Variants in SAMD4A observed in about 807,000 individuals in gnomAD.
SAMD4A encodes sterile alpha motif domain containing 4A.
Under a neutral mutation model 81.3 loss-of-function variants are expected in SAMD4A, and 33 were observed. The ratio of observed to expected loss-of-function variants is 0.41; its 90% CI spans 0.31 to 0.54. The LOEUF (loss-of-function observed/expected upper bound fraction) is 0.54, where lower values mean the gene tolerates loss of function less well. SAMD4A is among the 20% of genes least tolerant of loss of function. The pLI is 0.37. For missense variants in SAMD4A, 854 were observed against 951.1 expected (o/e 0.90, Z 1.34); for synonymous variants, 389 against 382.1 (o/e 1.02, Z -0.21).
intron 2 of SAMD4A, among the ~76,000 whole-genome samples, chr14:54,569,848 C>T (rs778871448): frequency 2.0e-5 from 3 of 152,096 alleles, no homozygotes; most frequent in Non-Finnish European, 4.4e-5. Context: ...GCACTTTTTC[C>T]CTTTGAGTAA....
At chr14:54,763,945 A>G (rs999505873) in intron 7 of SAMD4A, among the ~76,000 whole-genome samples, 1 of 152,070 alleles carries the variant, frequency 6.6e-6, no homozygotes, top group Admixed American at 6.5e-5. Context: ...AGGAGTGAGT[A>G]GCAGGCCTCC....
At chr14:54,597,459 G>A (rs191896951) in intron 2 of SAMD4A, among the ~76,000 whole-genome samples, 24 of 151,408 alleles carry the variant, frequency 1.6e-4, no homozygotes, top group Non-Finnish European at 3.2e-4. Flanking sequence ...TTTTTTGGTA[G>A]AGACAGGGTT....
At chr14:54,746,712 C>T (rs17737186) in intron 4 of SAMD4A, among the ~76,000 whole-genome samples, 10,108 of 152,208 alleles carry the variant, frequency 0.066, 498 homozygotes, top group Non-Finnish European at 0.095. Flanking sequence ...TGTAGGGCAC[C>T]CAGTGAAAAT....
chr14:54,746,260 G>C (rs1296112167), intron 4 of SAMD4A, among the ~76,000 whole-genome samples: 2 of 152,172 alleles, frequency 1.3e-5, no homozygotes, highest in Non-Finnish European at 2.9e-5. Context: ...TTACAGGAGG[G>C]AGTGCTCTTT....
Position 54,702,366 on chromosome 14 carries a change from C to G in SAMD4A, c.501C>G (p.Asp167Glu), listed in dbSNP as rs1421726179. The G allele has an allele frequency of 6.2e-7, 1 of 1,614,172 alleles. No homozygotes were observed. ...SFGGQNRGRS[D>E]SVDYGQTHYY... ...GTGGCCAGAACCGAGGCCGCTCAGACTCTGTGGATTATGGACAGACACACT... is the reference window on the plus strand; with the variant it reads ...GTGGCCAGAACCGAGGCCGCTCAGAGTCTGTGGATTATGGACAGACACACT... Residue 167 changes from aspartate (D) to glutamate (E), a missense_variant, in exon 3 of 13, where the codon GAC becomes GAG. Asp to Glu is a conservative substitution (Grantham distance 45, BLOSUM62 2). This residue lies in a region of SAMD4A where 387 missense variants were observed against 405.8 expected (regional missense o/e 0.95). Coordinates refer to ENST00000554335, the MANE Select transcript of SAMD4A (RefSeq NM_015589.6).
chr14:54,701,448 C>A (rs1245277795), intron 2 of SAMD4A, among the ~76,000 whole-genome samples: 1 of 152,214 alleles, frequency 6.6e-6, no homozygotes, highest in African/African-American at 2.4e-5. Context: ...AGTCTTCGGT[C>A]CATTGCATAT....
At chr14:54,764,311 C>G in intron 7 of SAMD4A, 144 bp from the exon 8 acceptor site, 1 of 642,530 alleles carries the variant, frequency 1.6e-6, no homozygotes, top group East Asian at 2.7e-5. Context: ...AATGAGGAGC[C>G]TCTTGGCCTT....
chr14:54,640,253 C>T (rs1249966427), intron 2 of SAMD4A, among the ~76,000 whole-genome samples: 2 of 152,154 alleles, frequency 1.3e-5, no homozygotes, highest in East Asian at 1.9e-4. Context: ...CTGGAAGTTT[C>T]GTGCTATGAG....
rs1316614996 is a variant in SAMD4A at position 54,737,281 on chromosome 14, A to C, written c.973A>C (p.Met325Leu). 2 of 1,613,960 alleles carry C rather than the reference A, an allele frequency of 1.2e-6. No individual in the cohort carries two copies. ...CACATTCCAAGAAGAAGGTAGTGGG[A>C]TGAAAGGTGAGTGACTAAATGAGAA... is the stretch of plus-strand genomic sequence containing the variant. ...RNTFQEEGSGMKDVPAWLKSL... is the reference protein window; with the variant it reads ...RNTFQEEGSGLKDVPAWLKSL... Residue 325 changes from methionine (M) to leucine (L), a missense_variant, in exon 4 of 13, where the codon ATG becomes CTG. Met to Leu is a conservative substitution (Grantham distance 15). Coordinates refer to ENST00000554335, the MANE Select transcript of SAMD4A (RefSeq NM_015589.6).
At chr14:54,593,807 C>G (rs771108404) in intron 2 of SAMD4A, among the ~76,000 whole-genome samples, 1 of 152,098 alleles carries the variant, frequency 6.6e-6, no homozygotes, top group Non-Finnish European at 1.5e-5. Context: ...GAGGTGCATT[C>G]TCAGGCAGTG....
chr14:54,763,632 A>T (rs2038462026), intron 7 of SAMD4A, among the ~76,000 whole-genome samples: 1 of 152,182 alleles, frequency 6.6e-6, no homozygotes, highest in South Asian at 2.1e-4. Context: ...ATCAAGTATG[A>T]TGCCAGGTTT....
chr14:54,592,738 C>A (rs1389115556), intron 2 of SAMD4A, among the ~76,000 whole-genome samples: 3 of 152,176 alleles, frequency 2.0e-5, no homozygotes, highest in Non-Finnish European at 2.9e-5. Flanking sequence ...GGATTACAGG[C>A]GTGAGCCACC....
intron 6 of SAMD4A, among the ~76,000 whole-genome samples, chr14:54,755,642 A>C (rs2038219589): frequency 6.6e-6 from 1 of 152,140 alleles, no homozygotes; most frequent in Non-Finnish European, 1.5e-5. Context: ...CTATGCCATG[A>C]TGATAGGAGT....
At chr14:54,776,567 T>TG (rs1447814005) in intron 11 of SAMD4A, 27 bp downstream of exon 11, 1 of 1,523,852 alleles carries the variant, frequency 6.6e-7, no homozygotes, top group East Asian at 2.6e-5. Flanking sequence ...CATGTCCCCT[T>TG]GACACAGAGG....
intron 7 of SAMD4A, 100 bp downstream of exon 7, chr14:54,760,594 C>A: frequency 7.4e-7 from 1 of 1,347,710 alleles, no homozygotes; most frequent in South Asian, 2.1e-5. Flanking sequence ...AATTCCCTGT[C>A]CAAGTAGACA....
At chr14:54,602,104 A>G (rs3949945) in intron 2 of SAMD4A, among the ~76,000 whole-genome samples, 44,361 of 151,986 alleles carry the variant, frequency 0.29, 6,614 homozygotes, top group Admixed American at 0.35. Flanking sequence ...ACCCAGAGAC[A>G]GGCTTCTGGT....
At chr14:54,694,299 A>C (rs2036523821) in intron 2 of SAMD4A, 2 of 152,660 alleles carry the variant, frequency 1.3e-5, no homozygotes, top group Admixed American at 6.5e-5. Context: ...AAACATGGTG[A>C]GGGGTAGTCA....
chr14:54,772,175 C>T (rs2038723692), intron 9 of SAMD4A, among the ~76,000 whole-genome samples: 1 of 152,078 alleles, frequency 6.6e-6, no homozygotes, highest in African/African-American at 2.4e-5. Context: ...ATCACAAATC[C>T]CAAATTAATT....
intron 10 of SAMD4A, 121 bp downstream of exon 10, chr14:54,775,256 G>A: frequency 1.9e-6 from 2 of 1,043,144 alleles, no homozygotes; most frequent in Non-Finnish European, 2.9e-6. Flanking sequence ...GGGGGCAGTT[G>A]CCACCATTCC....
Sources: allele counts gnomAD v4.1 joint callset (sites outside exome capture counted in the v4.1 genomes callset), GRCh38; gene constraint gnomAD v4.1.1; regional missense constraint gnomAD v4.1.1; transcripts MANE v1.5; gene names NCBI Gene and HGNC (gene_info 2026-07-23, HGNC 2026-07-21).